NFIL3: variants seen among roughly 807,000 people sequenced by gnomAD.
The protein encoded by NFIL3 is nuclear factor, interleukin 3 regulated, also known as nuclear factor interleukin-3-regulated protein.
NFIL3 carries 5 observed loss-of-function variants against 10.0 expected under a neutral mutation model. That is an observed-to-expected ratio of 0.50 (90% CI 0.26 to 1.06). The LOEUF (loss-of-function observed/expected upper bound fraction) is 1.06, where lower values mean the gene tolerates loss of function less well. Among genes scored for constraint, NFIL3 ranks in the 50% least tolerant of loss-of-function variants. The probability of loss-of-function intolerance (pLI) is 0.13; values close to 1 mark genes in which losing one functional copy is unlikely to be tolerated. For missense variants in NFIL3, 436 were observed against 547.6 expected, an observed-to-expected ratio of 0.80 and a Z score of 2.03; for synonymous variants, 202 against 206.5, an observed-to-expected ratio of 0.98 and a Z score of 0.19.
In NFIL3 at chr9:91,409,734, A is replaced by G. The variant is rs752544316; in HGVS notation, c.1001T>C (p.Met334Thr). ...PHKLRIKAKA[M>T]QIKVEAFDNE... is the part of the protein sequence containing the mutation. Reference sequence around the variant, plus strand: ...ATCAAAGGCTTCTACTTTGATCTGCATGGCTTTGGCTTTGATCCGGAGCTT... The same window carrying G: ...ATCAAAGGCTTCTACTTTGATCTGCGTGGCTTTGGCTTTGATCCGGAGCTT... The change falls in exon 2 of 2, where the codon ATG (methionine) becomes ACG (threonine). Residue 334 changes from methionine to threonine, a missense_variant. Met to Thr is a moderately conservative substitution (Grantham distance 81, BLOSUM62 -1). Around this residue, in one of 3 missense-constraint regions of NFIL3, gnomAD observed 338 missense variants for 399.9 expected, o/e 0.85. Coordinates refer to ENST00000297689, the MANE Select transcript of NFIL3 (RefSeq NM_005384.3). 2 of 1,614,192 alleles carry G rather than the reference A, an allele frequency of 1.2e-6. No individual in the cohort carries two copies. The highest frequency in any genetic ancestry group is 1.1e-5 in the South Asian group (1 of 91,082).
chr9:91,467,735 G>A, the NFIL3 span, among the ~76,000 whole-genome samples: 9 of 148,112 alleles, frequency 6.1e-5, no homozygotes, highest in African/African-American at 1.5e-4. Flanking sequence ...CCCGCCTTGC[G>A]CCCAAGTGTT....
chr9:91,435,487 T>C, the NFIL3 span, among the ~76,000 whole-genome samples: 1 of 152,092 alleles, frequency 6.6e-6, no homozygotes, highest in South Asian at 2.1e-4. Context: ...TCAAAGGAGG[T>C]TGAAATGGAA....
chr9:91,473,488 C>A, the NFIL3 span, among the ~76,000 whole-genome samples: 7 of 152,364 alleles, frequency 4.6e-5, no homozygotes, highest in East Asian at 1.2e-3. Flanking sequence ...GTGAGCAAGG[C>A]TCCGTGGGCG....
chr9:91,450,921 G>A, the NFIL3 span, among the ~76,000 whole-genome samples: 1 of 151,802 alleles, frequency 6.6e-6, no homozygotes, highest in African/African-American at 2.4e-5. Flanking sequence ...TACTTTAATG[G>A]TACCTAACCA....
the NFIL3 span, among the ~76,000 whole-genome samples, chr9:91,463,147 T>C: frequency 6.6e-6 from 1 of 151,874 alleles, no homozygotes; most frequent in East Asian, 1.9e-4. Context: ...GCTTTTGGTT[T>C]TGTTGATATC....
the NFIL3 span, among the ~76,000 whole-genome samples, chr9:91,474,282 C>G: frequency 3.3e-5 from 5 of 152,060 alleles, no homozygotes; most frequent in South Asian, 6.3e-4. Context: ...GTCTTGCACA[C>G]CTGTAATGAA....
At chr9:91,440,487 C>G in the NFIL3 span, among the ~76,000 whole-genome samples, 1 of 151,570 alleles carries the variant, frequency 6.6e-6, no homozygotes, top group Admixed American at 6.6e-5. Flanking sequence ...TATGGTTTTT[C>G]TGTTCTCCAT....
the NFIL3 span, among the ~76,000 whole-genome samples, chr9:91,478,307 T>A: frequency 3.3e-5 from 5 of 152,148 alleles, no homozygotes; most frequent in Non-Finnish European, 5.9e-5. Context: ...AGGTTTGGCC[T>A]TTTCACATAG....
chr9:91,425,066 C>T (rs1045404182), upstream of NFIL3, among the ~76,000 whole-genome samples: 1 of 152,214 alleles, frequency 6.6e-6, no homozygotes, highest in African/African-American at 2.4e-5. Flanking sequence ...CCGACAGTGA[C>T]TCACAGGCTT....
the NFIL3 span, among the ~76,000 whole-genome samples, chr9:91,467,910 C>T: frequency 6.6e-6 from 1 of 152,124 alleles, no homozygotes; most frequent in Non-Finnish European, 1.5e-5. Context: ...TGTTTATGTG[C>T]CACATTTTTT....
chr9:91,459,742 C>T, the NFIL3 span, among the ~76,000 whole-genome samples: 1 of 152,112 alleles, frequency 6.6e-6, no homozygotes, highest in Non-Finnish European at 1.5e-5. Flanking sequence ...TATTTACTTT[C>T]TCCACTAGAC....
chr9:91,424,547 C>T (rs1247965546), upstream of NFIL3, among the ~76,000 whole-genome samples: 1 of 152,206 alleles, frequency 6.6e-6, no homozygotes, highest in Non-Finnish European at 1.5e-5. Context: ...TTAAAATGTC[C>T]CGGCGCCTCT....
the NFIL3 span, among the ~76,000 whole-genome samples, chr9:91,482,508 T>C: frequency 6.6e-6 from 1 of 151,468 alleles, no homozygotes; most frequent in African/African-American, 2.4e-5. Flanking sequence ...CCAAAAAAAA[T>C]TTTTTTTTGG....
chr9:91,483,089 G>A, the NFIL3 span, among the ~76,000 whole-genome samples: 2 of 152,130 alleles, frequency 1.3e-5, no homozygotes, highest in African/African-American at 4.8e-5. Flanking sequence ...CTGCTCAACA[G>A]TCTGCACCTG....
At chr9:91,453,811 C>T in the NFIL3 span, among the ~76,000 whole-genome samples, 1 of 152,050 alleles carries the variant, frequency 6.6e-6, no homozygotes, top group Non-Finnish European at 1.5e-5. Flanking sequence ...GTCTTACTGA[C>T]TTGAGATTTA....
At chr9:91,453,124 T>C in the NFIL3 span, among the ~76,000 whole-genome samples, 1 of 152,114 alleles carries the variant, frequency 6.6e-6, no homozygotes, top group Admixed American at 6.5e-5. Flanking sequence ...GAAGGAAAGA[T>C]CTGTTTCAGG....
chr9:91,410,177 C>A lies in NFIL3; in HGVS notation c.558G>T (p.Ser186=), dbSNP rs374502836. ...ISVIKHSPQS[S]LSDVSEVSSV... ...AGGACACTTCTGAAACATCGGACAG[C>A]GAGCTTTGTGGAGAGTGTTTAATGA... The change falls in exon 2 of 2, where the codon TCG becomes TCT. Residue 186 remains serine (S), a synonymous_variant. Coordinates refer to ENST00000297689, the MANE Select transcript of NFIL3 (RefSeq NM_005384.3). The surrounding 1 kb of genome is among the most constrained non-coding windows in gnomAD (Gnocchi z 5.7). 1 of 1,613,994 alleles carries A rather than the reference C, an allele frequency of 6.2e-7. No homozygotes were observed. Among genetic ancestry groups the A allele is most frequent in the Non-Finnish European group, 8.5e-7 (1 of 1,180,016 alleles).
intron 1 of NFIL3, among the ~76,000 whole-genome samples, chr9:91,418,538 T>C (rs902453172): frequency 1.3e-5 from 2 of 152,260 alleles, no homozygotes; most frequent in Non-Finnish European, 2.9e-5. Context: ...AATTTCTTTT[T>C]CCACTTTTCC....
chr9:91,431,407 T>C, the NFIL3 span, among the ~76,000 whole-genome samples: 1 of 152,122 alleles, frequency 6.6e-6, no homozygotes, highest in African/African-American at 2.4e-5. Flanking sequence ...GTAAGAATAA[T>C]AACAAATACT....
Sources: gnomAD v4.1 joint callset for allele counts (sites outside exome capture counted in the v4.1 genomes callset) on GRCh38, gnomAD v4.1.1 for gene constraint, gnomAD v4.1.1 regional missense constraint, Gnocchi (gnomAD v3.1) non-coding constraint, MANE v1.5 for transcripts, NCBI Gene and HGNC (gene_info 2026-07-23, HGNC 2026-07-21) for gene names.